Variants in MACROD2 observed in about 807,000 individuals in gnomAD.
MACROD2 encodes the protein mono-ADP ribosylhydrolase 2.
A neutral mutation model predicts 70.4 loss-of-function variants in MACROD2; 36 were observed. That is an observed-to-expected ratio of 0.51 (90% confidence interval 0.39 to 0.68). The LOEUF (loss-of-function observed/expected upper bound fraction) is 0.68, where lower values mean the gene tolerates loss of function less well. Ranked by LOEUF, MACROD2 falls within the 30% of genes least tolerant of loss-of-function variation. The pLI is 0.00. For missense variants in MACROD2, 496 were observed against 538.4 expected (o/e 0.92, Z 0.78); for synonymous variants, 172 against 178.8 (o/e 0.96, Z 0.30).
chr20:14,281,200 A>C (rs2082303327), intron 3 of MACROD2, among the ~76,000 whole-genome samples: 1 of 152,238 alleles, frequency 6.6e-6, no homozygotes, highest in Non-Finnish European at 1.5e-5. Flanking sequence ...TCAATGGATA[A>C]ATCAAATGCA....
intron 4 of MACROD2, among the ~76,000 whole-genome samples, chr20:14,578,383 T>A (rs945792035): frequency 3.9e-5 from 6 of 152,114 alleles, no homozygotes; most frequent in Non-Finnish European, 7.4e-5. Flanking sequence ...TATGCTTTAT[T>A]TTGTATATTG....
At chr20:14,675,479 A>T (rs1483713186) in intron 4 of MACROD2, among the ~76,000 whole-genome samples, 1 of 152,166 alleles carries the variant, frequency 6.6e-6, no homozygotes, top group African/African-American at 2.4e-5. Context: ...AGGAGAAATA[A>T]AATCCTTTAC....
At chr20:14,958,479 C>G (rs940899316) in intron 5 of MACROD2, among the ~76,000 whole-genome samples, 2 of 152,108 alleles carry the variant, frequency 1.3e-5, no homozygotes, top group Non-Finnish European at 2.9e-5. Flanking sequence ...AATGGGGGCA[C>G]CAAGATTTGC....
chr20:15,439,147 G>A (rs1242215814), intron 7 of MACROD2, among the ~76,000 whole-genome samples: 1 of 152,084 alleles, frequency 6.6e-6, no homozygotes, highest in East Asian at 1.9e-4. Context: ...TGGAACAATG[G>A]TCACTCAGGA....
At chr20:16,021,354 C>A (rs900344419) in intron 15 of MACROD2, among the ~76,000 whole-genome samples, 1 of 152,134 alleles carries the variant, frequency 6.6e-6, no homozygotes, top group African/African-American at 2.4e-5. Context: ...AATAAGGAGA[C>A]ACCTAGTTGG....
chr20:15,765,814 C>T (rs923125802), intron 8 of MACROD2, among the ~76,000 whole-genome samples: 1 of 152,162 alleles, frequency 6.6e-6, no homozygotes, highest in Admixed American at 6.5e-5. Context: ...ACTTGGCCTG[C>T]CTTCACCCAA....
chr20:14,347,717 G>T (rs976091401), intron 3 of MACROD2, among the ~76,000 whole-genome samples: 2 of 152,054 alleles, frequency 1.3e-5, no homozygotes. Flanking sequence ...GCTAAGAAAG[G>T]GTCCCCTCTA....
intron 6 of MACROD2, among the ~76,000 whole-genome samples, chr20:15,406,706 G>A (rs1025761365): frequency 1.3e-5 from 2 of 152,132 alleles, no homozygotes; most frequent in Non-Finnish European, 2.9e-5. Flanking sequence ...ATAGCTAATA[G>A]AACATTTGTG....
At chr20:14,713,987 AAGAGCAGGACAGCAGGAGGC>A (rs2123668478) in intron 5 of MACROD2, among the ~76,000 whole-genome samples, 1 of 152,276 alleles carries the variant, frequency 6.6e-6, no homozygotes, top group East Asian at 1.9e-4. Flanking sequence ...AAGTGTAAAG[AAGAGCAGGACAGCAGGAGGC>A]TGGGTTGAAG....
intron 8 of MACROD2, among the ~76,000 whole-genome samples, chr20:15,800,995 C>T (rs1201670424): frequency 1.3e-5 from 2 of 150,902 alleles, no homozygotes; most frequent in Admixed American, 1.3e-4. Context: ...AGGCAGCATG[C>T]TCCTTAAGAG....
In MACROD2 at chr20:14,925,182, A is replaced by C. The variant is rs553310659; in HGVS notation, c.418+240223A>C. ...ACCCTTTTCTCTCAATCTCATCTCA[A>C]AGATAAATGGGAGTTAACAACTCTG... is the stretch of plus-strand genomic sequence containing the variant. On this transcript the variant is annotated intron_variant, in intron 5 of 17. Transcript: ENST00000684519. Among the ~76,000 whole-genome samples the C allele has an allele frequency of 9.2e-5, 14 of 152,172 alleles. 2 individuals carry two copies. In the South Asian group the frequency reaches 2.9e-3, roughly 32 times the overall value.
Position 15,431,416 on chromosome 20 carries a change from C to T in MACROD2, c.552C>T (p.Cys184=), listed in dbSNP as rs749488476. 1.2e-6 allele frequency: 2 copies of T among 1,611,264 alleles called. No homozygotes were observed. Among genetic ancestry groups the T allele is most frequent in the South Asian group, 2.2e-5 (2 of 90,910 alleles). ...TGGTTTATTCACAGGCATTTCCCTG[C>T]ATCTCAACAGGCATTTATGGTAAGT... is the stretch of plus-strand genomic sequence containing the variant. ...ENNIRSVAFP[C]ISTGIYGFPN... Residue 184 remains cysteine, a synonymous_variant, in exon 7 of 18, where the codon TGC becomes TGT. Coordinates refer to ENST00000684519, the MANE Select transcript of MACROD2 (RefSeq NM_001351661.2).
chr20:14,609,893 A>G (rs1320453904), intron 4 of MACROD2, among the ~76,000 whole-genome samples: 1 of 152,164 alleles, frequency 6.6e-6, no homozygotes, highest in African/African-American at 2.4e-5. Flanking sequence ...CATACACGAA[A>G]TTAACCAGCA....
At chr20:14,954,724 A>AAATATATAAATTATAAATTT (rs1568895128) in intron 5 of MACROD2, among the ~76,000 whole-genome samples, 2 of 10,696 alleles carry the variant, frequency 1.9e-4, no homozygotes, top group Non-Finnish European at 9.4e-4. Context: ...ATATAAATGT[A>AAATATATAAATTATAAATTT]TAAATATATA....
intron 5 of MACROD2, among the ~76,000 whole-genome samples, chr20:15,179,020 CT>C (rs1451806816): frequency 1.3e-5 from 2 of 152,158 alleles, no homozygotes; most frequent in African/African-American, 4.8e-5. Context: ...AATACTGTAG[CT>C]GCTAAAATTC....
chr20:15,474,970 G>A (rs2047003585), intron 7 of MACROD2, among the ~76,000 whole-genome samples: 1 of 151,520 alleles, frequency 6.6e-6, no homozygotes, highest in East Asian at 1.9e-4. Context: ...GTACCTGGGG[G>A]ATCCGCATCT....
intron 3 of MACROD2, among the ~76,000 whole-genome samples, chr20:14,416,467 C>G (rs2083806437): frequency 6.6e-6 from 1 of 152,104 alleles, no homozygotes; most frequent in Non-Finnish European, 1.5e-5. Context: ...CTTATATACA[C>G]TTATTATCAT....
intron 8 of MACROD2, among the ~76,000 whole-genome samples, chr20:15,717,716 G>A (rs748030772): frequency 1.3e-5 from 2 of 152,138 alleles, no homozygotes; most frequent in Non-Finnish European, 2.9e-5. Flanking sequence ...CCTGAGAATT[G>A]ACCCTTGCAT....
chr20:14,685,091 G>T, intron 5 of MACROD2, 132 bp downstream of exon 5: 1 of 637,824 alleles, frequency 1.6e-6, no homozygotes, highest in Non-Finnish European at 2.7e-6. Flanking sequence ...TTTTGTACAT[G>T]GTAATAAAAA....
Sources: gnomAD v4.1 joint callset for allele counts (sites outside exome capture counted in the v4.1 genomes callset) on GRCh38, gnomAD v4.1.1 for gene constraint, MANE v1.5 for transcripts, NCBI Gene and HGNC (gene_info 2026-07-23, HGNC 2026-07-21) for gene names.